The following NEGR1 variants were observed in gnomAD, a reference collection of about 807,000 sequenced individuals.
NEGR1 encodes the protein neuronal growth regulator 1.
Under a neutral mutation model 40.9 loss-of-function variants are expected in NEGR1, and 10 were observed. The ratio of observed to expected loss-of-function variants is 0.24; its 90% CI spans 0.15 to 0.42. The LOEUF is 0.42. Among genes scored for constraint, NEGR1 ranks in the 10% least tolerant of loss-of-function variants. The pLI is 1.00. For synonymous variants in NEGR1, 185 were observed against 166.8 expected (o/e 1.11, Z -0.84); for missense variants, 352 against 438.9 (o/e 0.80, Z 1.77).
intron 2 of NEGR1, chr1:71,794,653 A>G (rs1657254301): frequency 6.6e-6 from 1 of 152,132 alleles, no homozygotes; most frequent in Non-Finnish European, 1.5e-5. Context: ...TATTTTAATA[A>G]TATAGAATTA....
At chr1:72,263,290 T>G (rs1226589710) in intron 1 of NEGR1, among the ~76,000 whole-genome samples, 1 of 151,754 alleles carries the variant, frequency 6.6e-6, no homozygotes, top group Non-Finnish European at 1.5e-5. Context: ...TTAACAAGTT[T>G]ATAGTCATAT....
At chr1:72,260,700 T>C (rs1655425696) in intron 1 of NEGR1, among the ~76,000 whole-genome samples, 1 of 152,094 alleles carries the variant, frequency 6.6e-6, no homozygotes, top group South Asian at 2.1e-4. Context: ...TTCTAAATAG[T>C]TGCTCAAATT....
chr1:71,936,434 A>G (rs1377888963), intron 1 of NEGR1, among the ~76,000 whole-genome samples: 1 of 152,174 alleles, frequency 6.6e-6, no homozygotes. Flanking sequence ...AAAGGAGAAT[A>G]TTTTTATGAA....
At chr1:71,953,802 GA>G (rs1646093973) in intron 1 of NEGR1, among the ~76,000 whole-genome samples, 1 of 151,782 alleles carries the variant, frequency 6.6e-6, no homozygotes, top group African/African-American at 2.4e-5. Context: ...TTTTTAATAA[GA>G]AAGTGTTTTA....
chr1:71,832,794 A>G (rs1466579208), intron 2 of NEGR1, among the ~76,000 whole-genome samples: 1 of 152,070 alleles, frequency 6.6e-6, no homozygotes, highest in African/African-American at 2.4e-5. Context: ...GTGCATTGCC[A>G]TGATTACATA....
In NEGR1 at chr1:71,592,257, T is replaced by C. The variant is rs1570076757; in HGVS notation, c.940+560A>G. ...TTAGTCCTTAGGAAGTAAGATACAT[T>C]AGAAATGTAGTATTTATTTGAATAA... On this transcript the variant is annotated intron_variant, in intron 6 of 6. Transcript: ENST00000357731. Among the ~76,000 whole-genome samples the C allele has an allele frequency of 3.3e-5, 5 of 152,228 alleles. 1 individual carries two copies. Among genetic ancestry groups the C allele is most frequent in the Admixed American group, 3.3e-4 (5 of 15,276 alleles).
chr1:71,403,504 G>A lies in NEGR1; in HGVS notation c.*3942C>T, dbSNP rs1646258657. The A allele has an allele frequency of 5.8e-6, 1 of 171,056 alleles. No homozygotes were observed. The highest frequency in any genetic ancestry group is 1.2e-5 in the Non-Finnish European group (1 of 80,906). 10.6% of individuals were successfully genotyped at this position (171,056 alleles called of 1,614,324 possible). On this transcript the variant is annotated 3_prime_UTR_variant, in exon 7 of 7. Transcript: ENST00000357731. ...TTCCAGAAAATTTATTTTTAGTTTA[G>A]ATGTAGTTCAGCTCATCAAACCTTT...
chr1:72,075,404 G>C (rs937707599), intron 1 of NEGR1, among the ~76,000 whole-genome samples: 5 of 152,084 alleles, frequency 3.3e-5, no homozygotes, highest in Non-Finnish European at 7.4e-5. Flanking sequence ...GCTTAAAATT[G>C]TCCTTCAAGC....
chr1:71,667,046 C>T (rs547694105), intron 4 of NEGR1, among the ~76,000 whole-genome samples: 3 of 152,194 alleles, frequency 2.0e-5, no homozygotes, highest in Non-Finnish European at 4.4e-5. Flanking sequence ...TATATCTGGT[C>T]ATATAATGAA....
At chr1:71,553,608 G>A (rs1010966722) in intron 6 of NEGR1, among the ~76,000 whole-genome samples, 1 of 151,484 alleles carries the variant, frequency 6.6e-6, no homozygotes, top group East Asian at 2.0e-4. Flanking sequence ...ATTCACAGCT[G>A]AGAAATGATT....
At chr1:71,578,810 T>C (rs1223595022) in intron 6 of NEGR1, among the ~76,000 whole-genome samples, 1 of 152,220 alleles carries the variant, frequency 6.6e-6, no homozygotes, top group East Asian at 1.9e-4. Context: ...ATCTTACTAT[T>C]TGATCAGCTT....
intron 1 of NEGR1, among the ~76,000 whole-genome samples, chr1:72,276,580 T>G (rs1656054007): frequency 6.6e-6 from 1 of 152,174 alleles, no homozygotes; most frequent in Admixed American, 6.5e-5. Flanking sequence ...ATTCATTTGG[T>G]TTATTAACAT....
At chr1:72,268,322 G>T (rs1490315853) in intron 1 of NEGR1, among the ~76,000 whole-genome samples, 1 of 151,472 alleles carries the variant, frequency 6.6e-6, no homozygotes, top group Admixed American at 6.6e-5. Context: ...AAGTATGGGA[G>T]TAGCTCTCAG....
intron 1 of NEGR1, among the ~76,000 whole-genome samples, chr1:72,182,164 T>C (rs1303035679): frequency 4.6e-5 from 7 of 152,206 alleles, no homozygotes; most frequent in African/African-American, 9.6e-5. Flanking sequence ...TAATATCCTG[T>C]TGTATACCTT....
In NEGR1 at chr1:71,954,653, A is replaced by G. The variant is rs1373148163; in HGVS notation, c.177-19342T>C. Reference sequence around the variant, plus strand: ...TCAGATAATGAACTTTAACTTGAAGATGAGGAAAGTGTTGGAATAATTATC... The same window carrying G: ...TCAGATAATGAACTTTAACTTGAAGGTGAGGAAAGTGTTGGAATAATTATC... On this transcript the variant is annotated intron_variant, in intron 1 of 6. Coordinates refer to ENST00000357731, the MANE Select transcript of NEGR1 (RefSeq NM_173808.3). Among the ~76,000 whole-genome samples, 3 of 152,078 alleles carry G rather than the reference A, an allele frequency of 2.0e-5. No individual in the cohort carries two copies. The East Asian group carries it at 5.8e-4, about 29-fold the overall frequency.
chr1:71,655,825 T>C (rs965685017), intron 4 of NEGR1, among the ~76,000 whole-genome samples: 3 of 152,170 alleles, frequency 2.0e-5, no homozygotes, highest in South Asian at 2.1e-4. Flanking sequence ...AGAGGGAAAG[T>C]AGCAGTTGCC....
At chr1:72,224,070 A>C (rs1654098765) in intron 1 of NEGR1, among the ~76,000 whole-genome samples, 1 of 152,160 alleles carries the variant, frequency 6.6e-6, no homozygotes, top group Non-Finnish European at 1.5e-5. Context: ...CAGTTGCATG[A>C]CAATTGCTTT....
chr1:71,534,625 T>C (rs1194885333), intron 6 of NEGR1, among the ~76,000 whole-genome samples: 2 of 151,752 alleles, frequency 1.3e-5, no homozygotes, highest in Admixed American at 1.3e-4. Context: ...TATTGAGAAG[T>C]AGAATCTTAC....
chr1:71,688,406 G>GATATATATAAAAC (rs1653129814), intron 4 of NEGR1, among the ~76,000 whole-genome samples: 1 of 4,240 alleles, frequency 2.4e-4, no homozygotes, highest in South Asian at 0.013. Flanking sequence ...ATATATATAA[G>GATATATATAAAAC]ATATATATAA....
Sources: gnomAD v4.1 joint callset for allele counts (sites outside exome capture counted in the v4.1 genomes callset) on GRCh38, gnomAD v4.1.1 for gene constraint, MANE v1.5 for transcripts, NCBI Gene and HGNC (gene_info 2026-07-23, HGNC 2026-07-21) for gene names.